Variants in ZDHHC14 observed in about 807,000 individuals in gnomAD.
The protein encoded by ZDHHC14 is palmitoyltransferase ZDHHC14.
In ZDHHC14, 16 loss-of-function variants were observed where a neutral mutation model predicts 47.7. That is an observed-to-expected ratio of 0.34 (90% CI 0.23 to 0.51). The LOEUF (loss-of-function observed/expected upper bound fraction) is 0.51. Ranked by LOEUF, ZDHHC14 falls within the 20% of genes least tolerant of loss-of-function variation. The probability of loss-of-function intolerance (pLI) is 0.97; values close to 1 mark genes in which losing one functional copy is unlikely to be tolerated. For synonymous variants in ZDHHC14, 293 were observed against 278.9 expected, an observed-to-expected ratio of 1.05 and a Z score of -0.50; for missense variants, 515 against 662.5, an observed-to-expected ratio of 0.78 and a Z score of 2.44.
At chr6:157,448,899 A>C (rs1459954519) in intron 1 of ZDHHC14, among the ~76,000 whole-genome samples, 2 of 152,272 alleles carry the variant, frequency 1.3e-5, no homozygotes, top group East Asian at 3.9e-4. Flanking sequence ...TTATTAGTCC[A>C]TTTGGTTGTC....
intron 3 of ZDHHC14, among the ~76,000 whole-genome samples, chr6:157,626,039 G>A (rs1256989336): frequency 2.0e-5 from 3 of 152,150 alleles, no homozygotes; most frequent in Non-Finnish European, 4.4e-5. Flanking sequence ...TCACAGCTTA[G>A]CTGTTATTAA....
chr6:157,649,704 A>G (rs1777729382), intron 7 of ZDHHC14, among the ~76,000 whole-genome samples: 1 of 152,204 alleles, frequency 6.6e-6, no homozygotes, highest in Non-Finnish European at 1.5e-5. Context: ...CTGCTTACCA[A>G]GAGTTCAGAG....
chr6:157,411,380 G>A (rs922807768), intron 1 of ZDHHC14, among the ~76,000 whole-genome samples: 14 of 152,142 alleles, frequency 9.2e-5, no homozygotes, highest in Middle Eastern at 3.2e-3. Flanking sequence ...TTGTGTGGAT[G>A]GGACAGAAAT....
At chr6:157,646,623 A>G (rs1310638604) in intron 6 of ZDHHC14, among the ~76,000 whole-genome samples, 2 of 152,058 alleles carry the variant, frequency 1.3e-5, no homozygotes, top group African/African-American at 2.4e-5. Flanking sequence ...AAAAAAAAAA[A>G]AAAAAAAGAG....
chr6:157,654,537 A>G (rs1777995070), intron 8 of ZDHHC14, among the ~76,000 whole-genome samples: 1 of 152,132 alleles, frequency 6.6e-6, no homozygotes, highest in East Asian at 1.9e-4. Flanking sequence ...CGTGGGCAGC[A>G]GCCCAGAACA....
chr6:157,621,796 G>A (rs1224803251), intron 3 of ZDHHC14, among the ~76,000 whole-genome samples: 1 of 152,170 alleles, frequency 6.6e-6, no homozygotes, highest in East Asian at 1.9e-4. Flanking sequence ...TATTTCAGTG[G>A]AGTTTTTGGT....
chr6:157,569,547 C>T (rs1167038840), intron 2 of ZDHHC14, among the ~76,000 whole-genome samples: 18 of 152,018 alleles, frequency 1.2e-4, no homozygotes, highest in African/African-American at 4.1e-4. Context: ...AATATTCTCA[C>T]GTTTATTCTT....
At chr6:157,401,035 A>G (rs1453529151) in intron 1 of ZDHHC14, among the ~76,000 whole-genome samples, 1 of 152,154 alleles carries the variant, frequency 6.6e-6, no homozygotes. Context: ...AGTGGAGGAG[A>G]CAGCCAAAAC....
At chr6:157,539,974 A>ACAGGAG (rs758088717) in intron 1 of ZDHHC14, among the ~76,000 whole-genome samples, 1 of 152,164 alleles carries the variant, frequency 6.6e-6, no homozygotes, top group African/African-American at 2.4e-5. Flanking sequence ...TCCTGCGGGG[A>ACAGGAG]CAGGAGCAGG....
rs147361869 is a variant in ZDHHC14 at position 157,653,884 on chromosome 6, A to G, written c.1068+257A>G. Among the ~76,000 whole-genome samples, 283 of 152,314 alleles carry G rather than the reference A, an allele frequency of 1.9e-3. 1 individual carries two copies. Among genetic ancestry groups the G allele is most frequent in the African/African-American group, 6.4e-3 (265 of 41,558 alleles). On this transcript the variant is annotated intron_variant, in intron 8 of 8. Coordinates refer to ENST00000359775, the MANE Select transcript of ZDHHC14 (RefSeq NM_024630.3). ...AGTCCACACACGCGAGCTGTCTGCCAAAACAGCTTGAGGCACGTGGATGGA... is the reference window on the plus strand; with the variant it reads ...AGTCCACACACGCGAGCTGTCTGCCGAAACAGCTTGAGGCACGTGGATGGA...
At chr6:157,642,830 G>C (rs952716557) in intron 5 of ZDHHC14, among the ~76,000 whole-genome samples, 1 of 152,248 alleles carries the variant, frequency 6.6e-6, no homozygotes, top group Non-Finnish European at 1.5e-5. Flanking sequence ...AGGAATGTGT[G>C]TCTGTATATC....
chr6:157,480,008 G>T (rs1477240893), intron 1 of ZDHHC14, among the ~76,000 whole-genome samples: 1 of 152,164 alleles, frequency 6.6e-6, no homozygotes, highest in Non-Finnish European at 1.5e-5. Flanking sequence ...AGCTTGGTTT[G>T]CAGGCACATT....
At chr6:157,518,742 T>C (rs1780795856) in intron 1 of ZDHHC14, among the ~76,000 whole-genome samples, 1 of 151,684 alleles carries the variant, frequency 6.6e-6, no homozygotes, top group African/African-American at 2.4e-5. Context: ...GTTTCCCTCC[T>C]GGAACCTTGG....
intron 1 of ZDHHC14, among the ~76,000 whole-genome samples, chr6:157,499,479 G>C (rs1780144227): frequency 3.4e-5 from 5 of 147,160 alleles, no homozygotes; most frequent in Non-Finnish European, 7.5e-5. Flanking sequence ...ACCTCTCAAA[G>C]CCCCCCACCC....
intron 1 of ZDHHC14, among the ~76,000 whole-genome samples, chr6:157,534,388 G>A (rs1021763575): frequency 6.6e-6 from 1 of 152,146 alleles, no homozygotes; most frequent in Admixed American, 6.5e-5. Context: ...ACCTGAACCA[G>A]GACTCGAATG....
At chr6:157,653,746 C>T in intron 8 of ZDHHC14, 119 bp downstream of exon 8, 2 of 930,384 alleles carry the variant, frequency 2.1e-6, no homozygotes, top group South Asian at 1.5e-5. Flanking sequence ...CCCACAGCCG[C>T]CCACCCCATG....
intron 1 of ZDHHC14, among the ~76,000 whole-genome samples, chr6:157,479,588 A>G (rs1779573645): frequency 6.6e-6 from 1 of 152,228 alleles, no homozygotes; most frequent in Admixed American, 6.5e-5. Context: ...CTCGTTAGCC[A>G]TCGCTTTTGC....
chr6:157,530,241 G>A (rs1429716289), intron 1 of ZDHHC14, among the ~76,000 whole-genome samples: 1 of 152,168 alleles, frequency 6.6e-6, no homozygotes, highest in East Asian at 1.9e-4. Context: ...CTTCCCTCTG[G>A]ATCTGTTTGT....
intron 1 of ZDHHC14, among the ~76,000 whole-genome samples, chr6:157,535,235 T>G (rs1376157580): frequency 1.3e-5 from 2 of 152,190 alleles, no homozygotes; most frequent in African/African-American, 4.8e-5. Context: ...TCCTCACTCA[T>G]GAACTCTGCA....
Sources: gnomAD v4.1 joint callset for allele counts (sites outside exome capture counted in the v4.1 genomes callset) on GRCh38, gnomAD v4.1.1 for gene constraint, MANE v1.5 for transcripts, NCBI Gene and HGNC (gene_info 2026-07-23, HGNC 2026-07-21) for gene names.